Variants in RPH3A observed in about 807,000 individuals in gnomAD.
The protein encoded by RPH3A is rabphilin 3A, also known as rabphilin-3A.
In RPH3A, 48 loss-of-function variants were observed where a neutral mutation model predicts 102.2. The observed-to-expected ratio is 0.47, with a 90% confidence interval of 0.37 to 0.60. The LOEUF is 0.60. Among genes scored for constraint, RPH3A ranks in the 20% least tolerant of loss-of-function variants. The pLI is 0.00. For synonymous variants in RPH3A, 310 were observed against 324.3 expected, an observed-to-expected ratio of 0.96 and a Z score of 0.47; for missense variants, 781 against 910.1, an observed-to-expected ratio of 0.86 and a Z score of 1.83.
chr12:112,832,418 A>G (rs552066509), intron 3 of RPH3A, among the ~76,000 whole-genome samples: 1 of 152,320 alleles, frequency 6.6e-6, no homozygotes, highest in East Asian at 1.9e-4. Flanking sequence ...TAGTAACTTC[A>G]CATTCTGTAT....
At chr12:112,659,100 T>C (rs2040033001) in intron 1 of RPH3A, among the ~76,000 whole-genome samples, 1 of 152,076 alleles carries the variant, frequency 6.6e-6, no homozygotes, top group Non-Finnish European at 1.5e-5. Flanking sequence ...CACTTGAGAG[T>C]AAATTGCTAC....
At chr12:112,855,965 C>A (rs1365282692) in intron 5 of RPH3A, among the ~76,000 whole-genome samples, 1 of 152,098 alleles carries the variant, frequency 6.6e-6, no homozygotes, top group Non-Finnish European at 1.5e-5. Flanking sequence ...AGAGGGGCAA[C>A]ATGACATTGT....
At chr12:112,869,309 G>A (rs1338776343) in intron 8 of RPH3A, 3 of 162,940 alleles carry the variant, frequency 1.8e-5, no homozygotes, top group African/African-American at 4.8e-5. Context: ...AGGGTACAGC[G>A]TTTTTCATAA....
chr12:112,805,515 C>T (rs1460286537), intron 2 of RPH3A, among the ~76,000 whole-genome samples: 1 of 152,190 alleles, frequency 6.6e-6, no homozygotes, highest in Non-Finnish European at 1.5e-5. Flanking sequence ...AGTGAGGGGA[C>T]TCTGCACCCG....
chr12:112,586,843 A>G (rs545293329), intron 1 of RPH3A, among the ~76,000 whole-genome samples: 34 of 152,342 alleles, frequency 2.2e-4, no homozygotes, highest in African/African-American at 8.2e-4. Flanking sequence ...GGGTGACTTC[A>G]GAGGCTACTG....
At chr12:112,809,579 G>A (rs1473595656) in intron 2 of RPH3A, among the ~76,000 whole-genome samples, 1 of 152,124 alleles carries the variant, frequency 6.6e-6, no homozygotes. Context: ...TTGAGCATTT[G>A]CTATGGGCCA....
chr12:112,776,024 T>C (rs1309834001), intron 1 of RPH3A, among the ~76,000 whole-genome samples: 2 of 152,126 alleles, frequency 1.3e-5, no homozygotes, highest in Non-Finnish European at 2.9e-5. Flanking sequence ...AGTCAGGTAC[T>C]GTGCTGGGTG....
rs770953001 is a variant in RPH3A at position 112,629,172 on chromosome 12, TA to T, written c.-140+53859del. Among the ~76,000 whole-genome samples the T allele has an allele frequency of 2.6e-5, 4 of 152,116 alleles. No homozygotes were observed. The East Asian group carries it at 7.7e-4, about 29-fold the overall frequency. ...GAGACACTTATTGATTGGCTCTAGA[TA>T]AAAAAGGTTGTGAAAATACTCATTG... On this transcript the variant is annotated intron_variant, in intron 1 of 21. Coordinates refer to the RPH3A transcript ENST00000543106.
intron 20 of RPH3A, 151 bp from the exon 21 acceptor site, chr12:112,895,626 C>A: frequency 3.4e-6 from 2 of 581,442 alleles, no homozygotes; most frequent in Non-Finnish European, 6.3e-6. Flanking sequence ...GGACCTGGGG[C>A]AGAGGATCGG....
chr12:112,709,719 C>A (rs1291653622), intron 1 of RPH3A, among the ~76,000 whole-genome samples: 2 of 152,092 alleles, frequency 1.3e-5, no homozygotes, highest in Non-Finnish European at 2.9e-5. Flanking sequence ...TTAAACCAAG[C>A]TTGTAGGTTG....
chr12:112,871,507 T>C (rs915462302), intron 10 of RPH3A, among the ~76,000 whole-genome samples: 1 of 152,292 alleles, frequency 6.6e-6, no homozygotes, highest in Middle Eastern at 3.4e-3. Context: ...TCACCCGTGT[T>C]GTAGCATGTG....
chr12:112,846,343 C>T (rs2042228220), intron 4 of RPH3A, among the ~76,000 whole-genome samples: 1 of 152,172 alleles, frequency 6.6e-6, no homozygotes, highest in African/African-American at 2.4e-5. Flanking sequence ...CAGAGGCATC[C>T]CATCCAAGGG....
At chr12:112,812,858 G>A (rs940081365) in intron 2 of RPH3A, among the ~76,000 whole-genome samples, 1 of 152,176 alleles carries the variant, frequency 6.6e-6, no homozygotes, top group African/African-American at 2.4e-5. Flanking sequence ...CCTTCTTTGA[G>A]CCAATGTATA....
intron 1 of RPH3A, among the ~76,000 whole-genome samples, chr12:112,759,559 T>C (rs937514181): frequency 6.6e-6 from 1 of 152,060 alleles, no homozygotes; most frequent in African/African-American, 2.4e-5. Context: ...CAGCTTAAGG[T>C]GGTAAAGCTG....
chr12:112,811,538 C>CAA (rs144884102), intron 2 of RPH3A, among the ~76,000 whole-genome samples: 1 of 148,704 alleles, frequency 6.7e-6, no homozygotes, highest in Non-Finnish European at 1.5e-5. Flanking sequence ...ACCCCCCCCC[C>CAA]AAAAAAAAGA....
chr12:112,752,132 C>T (rs1009524531), intron 1 of RPH3A, among the ~76,000 whole-genome samples: 9 of 152,126 alleles, frequency 5.9e-5, no homozygotes, highest in Non-Finnish European at 1.2e-4. Context: ...GCACATATGA[C>T]CTTTGTAATC....
chr12:112,811,530 C>A (rs1402138636), intron 2 of RPH3A, among the ~76,000 whole-genome samples: 1 of 140,338 alleles, frequency 7.1e-6, no homozygotes, highest in Non-Finnish European at 1.5e-5. Flanking sequence ...TAAATAGAAC[C>A]CCCCCCCCAA....
chr12:112,639,621 A>T (rs2039872453), intron 1 of RPH3A, among the ~76,000 whole-genome samples: 1 of 152,126 alleles, frequency 6.6e-6, no homozygotes, highest in African/African-American at 2.4e-5. Flanking sequence ...ACAAACCTGC[A>T]CATGTACCCT....
intron 18 of RPH3A, 38 bp downstream of exon 18, chr12:112,890,118 C>T (rs1434489557): frequency 1.3e-6 from 2 of 1,574,102 alleles, no homozygotes; most frequent in East Asian, 2.2e-5. Context: ...CAGTCAGGGT[C>T]TGTACTGGGC....
Sources: gnomAD v4.1 joint callset for allele counts (sites outside exome capture counted in the v4.1 genomes callset) on GRCh38, gnomAD v4.1.1 for gene constraint, MANE v1.5 for transcripts, NCBI Gene and HGNC (gene_info 2026-07-23, HGNC 2026-07-21) for gene names.